Variants in MRTFB observed in about 807,000 individuals in gnomAD.
MRTFB encodes myocardin-related transcription factor B.
Under a neutral mutation model 104.2 loss-of-function variants are expected in MRTFB, and 29 were observed. That is an observed-to-expected ratio of 0.28 (90% CI 0.21 to 0.38). MRTFB has a LOEUF of 0.38. MRTFB is among the 10% of genes least tolerant of loss of function. MRTFB has a pLI of 1.00. For synonymous variants in MRTFB, 535 were observed against 519.5 expected, an observed-to-expected ratio of 1.03 and a Z score of -0.41; for missense variants, 1,270 against 1,341.6, an observed-to-expected ratio of 0.95 and a Z score of 0.83.
chr16:14,017,705 A>AT, the MRTFB span, among the ~76,000 whole-genome samples: 17 of 28,280 alleles, frequency 6.0e-4, 3 homozygotes, highest in Non-Finnish European at 1.1e-3. Context: ...ATATATATAT[A>AT]TATATATTTT....
intron 4 of MRTFB, among the ~76,000 whole-genome samples, chr16:14,211,897 A>G (rs1206090588): frequency 6.6e-6 from 1 of 152,232 alleles, no homozygotes; most frequent in Non-Finnish European, 1.5e-5. Flanking sequence ...GCCATGGTTA[A>G]GCACAGAGCC....
At chr16:13,998,488 T>G in the MRTFB span, among the ~76,000 whole-genome samples, 10 of 151,740 alleles carry the variant, frequency 6.6e-5, no homozygotes, top group African/African-American at 2.4e-4. Flanking sequence ...CTACAAAAAT[T>G]TTTAAAAATT....
chr16:14,238,989 G>A (rs1348632184), intron 9 of MRTFB, among the ~76,000 whole-genome samples: 2 of 152,190 alleles, frequency 1.3e-5, no homozygotes, highest in African/African-American at 4.8e-5. Flanking sequence ...ACAGTGGCCA[G>A]TTTCAGGCTA....
At chr16:14,243,239 AATT>A (rs2151381797) in intron 10 of MRTFB, among the ~76,000 whole-genome samples, 1 of 152,350 alleles carries the variant, frequency 6.6e-6, no homozygotes, top group East Asian at 1.9e-4. Flanking sequence ...CAAAGATTTC[AATT>A]ATTTAACTTC....
the MRTFB span, among the ~76,000 whole-genome samples, chr16:14,063,445 C>T: frequency 6.6e-6 from 1 of 152,142 alleles, no homozygotes; most frequent in South Asian, 2.1e-4. Flanking sequence ...TGTATTATGT[C>T]GTCACCCAGG....
chr16:14,084,176 C>G (rs2034570506), intron 2 of MRTFB, among the ~76,000 whole-genome samples: 1 of 152,190 alleles, frequency 6.6e-6, no homozygotes, highest in Admixed American at 6.5e-5. Flanking sequence ...GTTACTATTT[C>G]AAATACTGAA....
At chr16:14,075,370 G>C (rs2033975045) in intron 1 of MRTFB, among the ~76,000 whole-genome samples, 1 of 152,346 alleles carries the variant, frequency 6.6e-6, no homozygotes, top group East Asian at 1.9e-4. Flanking sequence ...CCTGGAGCTT[G>C]TTTGAAATGT....
At chr16:14,042,408 G>A in the MRTFB span, among the ~76,000 whole-genome samples, 31 of 152,238 alleles carry the variant, frequency 2.0e-4, no homozygotes, top group African/African-American at 5.1e-4. Flanking sequence ...ACAGGTGTGC[G>A]CCACCGCACC....
chr16:14,124,443 A>G (rs1225445095), intron 2 of MRTFB, among the ~76,000 whole-genome samples: 1 of 152,230 alleles, frequency 6.6e-6, no homozygotes, highest in African/African-American at 2.4e-5. Flanking sequence ...TGGTCCATCA[A>G]TACCTAGTTT....
chr16:14,157,916 T>C lies in MRTFB; in HGVS notation c.154+17156T>C, dbSNP rs1237874452. On this transcript the variant is annotated intron_variant, in intron 3 of 16. Transcript: ENST00000571589. Reference sequence around the variant, plus strand: ...ATTTTTATCAAATGACTTTTATATATAGTTTCATTTTATTGGCCCAAATGT... The same window carrying C: ...ATTTTTATCAAATGACTTTTATATACAGTTTCATTTTATTGGCCCAAATGT... Among the ~76,000 whole-genome samples, 3 of 152,038 alleles carry C rather than the reference T, an allele frequency of 2.0e-5. No homozygotes were observed. The East Asian group carries it at 5.8e-4, about 29-fold the overall frequency.
chr16:14,008,384 T>C, the MRTFB span, among the ~76,000 whole-genome samples: 2 of 152,208 alleles, frequency 1.3e-5, no homozygotes, highest in African/African-American at 2.4e-5. Flanking sequence ...TTTTTGTTTA[T>C]GGTGTGAGTT....
intron 15 of MRTFB, among the ~76,000 whole-genome samples, chr16:14,255,526 T>C (rs1333474783): frequency 6.6e-6 from 1 of 152,220 alleles, no homozygotes; most frequent in East Asian, 1.9e-4. Context: ...AATTCTATTA[T>C]CATGTTAAAA....
chr16:14,246,174 A>T (rs13334773), intron 11 of MRTFB, among the ~76,000 whole-genome samples: 26,893 of 152,136 alleles, frequency 0.18, 5,620 homozygotes, highest in African/African-American at 0.5. Context: ...GTCTTGCACA[A>T]GGCAACTACT....
the MRTFB span, among the ~76,000 whole-genome samples, chr16:14,022,693 A>G: frequency 6.6e-6 from 1 of 151,964 alleles, no homozygotes; most frequent in Non-Finnish European, 1.5e-5. Flanking sequence ...GCCCGGCCAT[A>G]AAAAACATTT....
chr16:14,048,394 G>A, the MRTFB span, among the ~76,000 whole-genome samples: 4 of 152,246 alleles, frequency 2.6e-5, no homozygotes, highest in African/African-American at 4.8e-5. Context: ...CCCAGAGCCA[G>A]CTCTGCAAAG....
intron 2 of MRTFB, among the ~76,000 whole-genome samples, chr16:14,079,872 T>G (rs2034292256): frequency 6.6e-6 from 1 of 152,102 alleles, no homozygotes. Context: ...GTGAACATAC[T>G]TTTAGAAATC....
intron 3 of MRTFB, among the ~76,000 whole-genome samples, chr16:14,165,363 T>C (rs1865506611): frequency 6.6e-6 from 1 of 152,180 alleles, no homozygotes; most frequent in African/African-American, 2.4e-5. Context: ...GCCCCAGAGA[T>C]GGCTGAGTGA....
the MRTFB span, among the ~76,000 whole-genome samples, chr16:14,043,618 C>T: frequency 1.3e-5 from 2 of 152,188 alleles, no homozygotes; most frequent in African/African-American, 4.8e-5. Flanking sequence ...GATATAGAAA[C>T]AAGGAAGAAA....
chr16:14,007,097 G>A, the MRTFB span, among the ~76,000 whole-genome samples: 1 of 152,198 alleles, frequency 6.6e-6, no homozygotes, highest in South Asian at 2.1e-4. Context: ...AATTTAAAAT[G>A]TACAAGTCAA....
Sources: gnomAD v4.1 joint callset for allele counts (sites outside exome capture counted in the v4.1 genomes callset) on GRCh38, gnomAD v4.1.1 for gene constraint, MANE v1.5 for transcripts, NCBI Gene and HGNC (gene_info 2026-07-23, HGNC 2026-07-21) for gene names.